SAP130: variants seen among roughly 807,000 people sequenced by gnomAD.
The protein encoded by SAP130 is Sin3A associated protein 130, also known as histone deacetylase complex subunit SAP130.
A neutral mutation model predicts 103.2 loss-of-function variants in SAP130; 16 were observed. The observed-to-expected ratio is 0.16, with a 90% CI of 0.10 to 0.24. The LOEUF (loss-of-function observed/expected upper bound fraction) is 0.24, where lower values mean the gene tolerates loss of function less well. Among genes scored for constraint, SAP130 ranks in the 10% least tolerant of loss-of-function variants. The probability of loss-of-function intolerance (pLI) is 1.00; values close to 1 mark genes in which losing one functional copy is unlikely to be tolerated. For missense variants in SAP130, 990 were observed against 1,359.7 expected (o/e 0.73, Z 4.28); for synonymous variants, 477 against 497.0 (o/e 0.96, Z 0.53).
chr2:127,996,244 T>G lies in SAP130; in HGVS notation c.1355+106A>C. The G allele has an allele frequency of 2.8e-6, 3 of 1,054,890 alleles. No homozygotes were observed. The highest frequency in any genetic ancestry group is 3.1e-5 in the East Asian group (1 of 32,158). 65.3% of individuals were successfully genotyped at this position (1,054,890 alleles called of 1,614,324 possible). A position where few individuals can be genotyped will look rare whatever the true frequency, so the allele number is the denominator to read the frequency against. ...ACTTTCAGGGGAAAATCTGAAAACA[T>G]GAGTAATAAATATAGGCCATATTTG... On this transcript the variant is annotated intron_variant, in intron 11 of 20. Transcript: ENST00000643581. The surrounding 1 kb of genome is among the most constrained non-coding windows in gnomAD (Gnocchi z 4.3).
chr2:128,027,079 T>C, intron 1 of SAP130: 1 of 1,441,180 alleles, frequency 6.9e-7, no homozygotes, highest in Non-Finnish European at 9.2e-7. Flanking sequence ...AGACGAGCAC[T>C]GTGCCTCTTT....
chr2:127,980,896 T>TCAATCTCAACAACAA (rs1681820012), intron 14 of SAP130, among the ~76,000 whole-genome samples: 1 of 150,628 alleles, frequency 6.6e-6, no homozygotes, highest in South Asian at 2.1e-4. Flanking sequence ...GACCCCCATC[T>TCAATCTCAACAACAA]CAACAACAAC....
chr2:127,948,861 T>TA (rs1226035013), intron 18 of SAP130, among the ~76,000 whole-genome samples: 1 of 152,180 alleles, frequency 6.6e-6, no homozygotes, highest in Non-Finnish European at 1.5e-5. Context: ...AATAAGCATT[T>TA]AGACTCTTGT....
Position 127,989,644 on chromosome 2 carries a change from G to A in SAP130, c.1700C>T (p.Ser567Leu). The part of the protein sequence containing the change: ...PAPLGTQGIH[S>L]ATPINTQGLQ... ...CCCTTGTGTGTTGATTGGGGTTGCTGAGTGAATTCCCTGTGTGCCAAGTGG... is the reference window on the plus strand; with the variant it reads ...CCCTTGTGTGTTGATTGGGGTTGCTAAGTGAATTCCCTGTGTGCCAAGTGG... The change falls in exon 13 of 21, where the codon TCA becomes TTA. Residue 567 changes from serine (S) to leucine (L), a missense_variant. This residue lies in a region of SAP130 where 349 missense variants were observed against 384.1 expected (regional missense o/e 0.91). Transcript: ENST00000643581. This position sits in a 1 kb window ranked among gnomAD's most constrained non-coding sequence, Gnocchi z 4.6. 6.2e-7 allele frequency: 1 copy of A among 1,614,202 alleles called. No homozygotes were observed.
chr2:127,989,768 C>T lies in SAP130; in HGVS notation c.1576G>A (p.Ala526Thr). 1.9e-6 allele frequency: 3 copies of T among 1,614,178 alleles called. No individual in the cohort carries two copies. The highest frequency in any genetic ancestry group is 2.5e-6 in the Non-Finnish European group (3 of 1,180,022). The change falls in exon 13 of 21, where the codon GCA becomes ACA. Residue 526 changes from alanine (A) to threonine (T), a missense_variant. This residue lies in a region of SAP130 where 336 missense variants were observed against 520.1 expected (regional missense o/e 0.65). Coordinates refer to ENST00000643581, the MANE Select transcript of SAP130 (RefSeq NM_001330301.2). The surrounding 1 kb of genome is among the most constrained non-coding windows in gnomAD (Gnocchi z 4.6). ...LNPMQLMTVD[A>T]SHARHIQGIQ... The stretch of plus-strand genomic sequence containing the variant: ...CCTTGAATATGTCGAGCATGCGATG[C>T]ATCCACTGTCATCAACTGCATGGGG...
At chr2:127,976,909 G>A (rs2917659) in intron 15 of SAP130, among the ~76,000 whole-genome samples, 125,472 of 152,062 alleles carry the variant, frequency 0.83, 52,307 homozygotes, top group Middle Eastern at 0.88. Flanking sequence ...CAAAACAAAC[G>A]AACAAACAAA....
chr2:127,941,792 G>T lies in SAP130; in HGVS notation c.*214C>A. The T allele has an allele frequency of 7.2e-6, 4 of 554,802 alleles. No homozygotes were observed. Among genetic ancestry groups the T allele is most frequent in the Admixed American group, 3.6e-5 (1 of 27,710 alleles). The allele number at this position is 554,802 out of a possible 1,614,324, so 34.4% of individuals were successfully genotyped here. ...CTTATGACACAGATCAGGTTTAACA[G>T]GGGTGCACCCGAACGCAAGAAGGCA... On this transcript the variant is annotated 3_prime_UTR_variant, in exon 21 of 21. Transcript: ENST00000643581.
chr2:128,007,307 A>G (rs548135667), intron 7 of SAP130, among the ~76,000 whole-genome samples: 59 of 152,368 alleles, frequency 3.9e-4, no homozygotes, highest in African/African-American at 1.3e-3. Context: ...TGCAGGCATC[A>G]TAATAGGCAC....
chr2:128,023,125 G>C, intron 2 of SAP130, among the ~76,000 whole-genome samples: 1 of 151,890 alleles, frequency 6.6e-6, no homozygotes, highest in African/African-American at 2.4e-5. Context: ...CTCCCGATTA[G>C]CCGGGATTAC....
chr2:127,991,249 CAA>C (rs745520683), intron 12 of SAP130, among the ~76,000 whole-genome samples: 12 of 150,196 alleles, frequency 8.0e-5, no homozygotes, highest in Non-Finnish European at 1.6e-4. Flanking sequence ...AACTCCGTCT[CAA>C]AAAAAAAGAG....
chr2:127,942,080 G>A lies in SAP130; in HGVS notation c.3100C>T (p.Arg1034Cys), dbSNP rs367556794. The A allele has an allele frequency of 1.9e-6, 3 of 1,609,758 alleles. No homozygotes were observed. Among genetic ancestry groups the A allele is most frequent in the African/African-American group, 2.7e-5 (2 of 74,470 alleles). Residue 1034 changes from arginine (R) to cysteine (C), a missense_variant, in exon 21 of 21, where the codon CGT becomes TGT. Coordinates refer to ENST00000643581, the MANE Select transcript of SAP130 (RefSeq NM_001330301.2). This position sits in a 1 kb window ranked among gnomAD's most constrained non-coding sequence, Gnocchi z 4.8. ...TTCTTGTTAAGCAGCTTCAGGACAC[G>A]GTCTTTATGATCTAAAACCTTAAGC... ...SMLKVLDHKD[R>C]VLKLLNKNGT... is the part of the protein sequence containing the mutation.
chr2:127,998,870 C>T (rs928101927), intron 10 of SAP130, among the ~76,000 whole-genome samples: 5 of 152,136 alleles, frequency 3.3e-5, no homozygotes, highest in African/African-American at 1.2e-4. Flanking sequence ...AAACGTTAAG[C>T]GTCTGGGCTT....
At chr2:127,972,403 G>C (rs966587648) in intron 15 of SAP130, among the ~76,000 whole-genome samples, 2 of 152,188 alleles carry the variant, frequency 1.3e-5, no homozygotes, top group African/African-American at 4.8e-5. Context: ...TTGAGGCCAG[G>C]AGTTCAAGAC....
At chr2:128,010,561 A>G (rs1408786806) in intron 6 of SAP130, among the ~76,000 whole-genome samples, 168 bp from the exon 7 acceptor site, 3 of 152,238 alleles carry the variant, frequency 2.0e-5, no homozygotes, top group Admixed American at 6.5e-5. Flanking sequence ...ATAGGTTGTT[A>G]TAAGACCAAG....
chr2:127,978,184 C>T (rs543044648), intron 14 of SAP130, 95 bp from the exon 15 acceptor site: 3 of 831,900 alleles, frequency 3.6e-6, no homozygotes, highest in East Asian at 2.7e-5. Context: ...ATACCTAGGA[C>T]AAAATAAAGC....
rs1678799450 is a variant in SAP130, at chr2:127,942,783, G to A, written c.2902-246C>T. On this transcript the variant is annotated intron_variant, in intron 19 of 20. Coordinates refer to ENST00000643581, the MANE Select transcript of SAP130 (RefSeq NM_001330301.2). This position sits in a 1 kb window ranked among gnomAD's most constrained non-coding sequence, Gnocchi z 4.8. Reference sequence around the variant, plus strand: ...GCGGGTGGATCACCTGAGGTCCAGAGTTTGAGACCAGCCTGACCAACAAGG... The same window carrying A: ...GCGGGTGGATCACCTGAGGTCCAGAATTTGAGACCAGCCTGACCAACAAGG... Among the ~76,000 whole-genome samples the A allele has an allele frequency of 1.3e-5, 2 of 152,176 alleles. No individual in the cohort carries two copies. The highest frequency in any genetic ancestry group is 4.1e-4 in the South Asian group (2 of 4,834).
intron 15 of SAP130, among the ~76,000 whole-genome samples, chr2:127,956,481 A>G (rs1285731657): frequency 6.8e-6 from 1 of 146,006 alleles, no homozygotes; most frequent in African/African-American, 2.5e-5. Context: ...GCATGTTCTC[A>G]CTCATAGGTG....
chr2:127,964,160 ACTC>A (rs1680467890), intron 15 of SAP130, among the ~76,000 whole-genome samples: 1 of 152,088 alleles, frequency 6.6e-6, no homozygotes, highest in Non-Finnish European at 1.5e-5. Flanking sequence ...CACCCATTGC[ACTC>A]CAGCCTGGAT....
At chr2:128,015,866 G>A (rs1459787774) in intron 4 of SAP130, among the ~76,000 whole-genome samples, 1 of 151,582 alleles carries the variant, frequency 6.6e-6, no homozygotes, top group Non-Finnish European at 1.5e-5. Flanking sequence ...GCTCGAACAC[G>A]GGACGTGGAC....
Sources: allele counts gnomAD v4.1 joint callset (sites outside exome capture counted in the v4.1 genomes callset), GRCh38; gene constraint gnomAD v4.1.1; regional missense constraint gnomAD v4.1.1; non-coding constraint Gnocchi (gnomAD v3.1); transcripts MANE v1.5; gene names NCBI Gene and HGNC (gene_info 2026-07-23, HGNC 2026-07-21).